The following AIFM1 variants were observed in gnomAD, a reference collection of about 807,000 sequenced individuals.
AIFM1 encodes the protein apoptosis-inducing factor 1, mitochondrial.
In AIFM1, 3 loss-of-function variants were observed where a neutral mutation model predicts 51.7. The ratio of observed to expected loss-of-function variants is 0.06; its 90% CI spans 0.03 to 0.15. The LOEUF (loss-of-function observed/expected upper bound fraction) is 0.15, where lower values mean the gene tolerates loss of function less well. Among genes scored for constraint, AIFM1 ranks in the 10% least tolerant of loss-of-function variants. The pLI is 1.00. For synonymous variants in AIFM1, 178 were observed against 179.4 expected (o/e 0.99, Z 0.06); for missense variants, 330 against 476.8 (o/e 0.69, Z 2.87).
intron 2 of AIFM1, among the ~76,000 whole-genome samples, chrX:130,150,068 T>G (rs1411014757): frequency 9.0e-6 from 1 of 111,202 alleles, no homozygotes; most frequent in Non-Finnish European, 1.9e-5. Flanking sequence ...TGGCTGCCTG[T>G]ATTCTATTTT....
intron 6 of AIFM1, among the ~76,000 whole-genome samples, chrX:130,142,171 T>G (rs1218140113): frequency 9.0e-6 from 1 of 111,709 alleles, no homozygotes; most frequent in Non-Finnish European, 1.9e-5. Flanking sequence ...TAATCAAGAG[T>G]GACAAATGTG....
chrX:130,159,187 G>T (rs2031269187), intron 1 of AIFM1, among the ~76,000 whole-genome samples: 1 of 111,565 alleles, frequency 9.0e-6, no homozygotes, highest in African/African-American at 3.3e-5. Flanking sequence ...GGTTTTACTG[G>T]CAAATGAGTT....
intron 6 of AIFM1, among the ~76,000 whole-genome samples, chrX:130,140,944 C>T (rs893842025): frequency 8.9e-6 from 1 of 111,855 alleles, no homozygotes; most frequent in Non-Finnish European, 1.9e-5. Context: ...GGCGAAACCC[C>T]GTCTCTACTA....
rs139226266 is a variant in AIFM1, at chrX:130,140,809, C to T, written c.697-192G>A. Among the ~76,000 whole-genome samples, 735 of 112,478 alleles carry T rather than the reference C, an allele frequency of 6.5e-3. 12 individuals are homozygous for T. The highest frequency in any genetic ancestry group is 0.022 in the African/African-American group (681 of 30,965). On this transcript the variant is annotated intron_variant, in intron 6 of 15. Coordinates refer to ENST00000287295, the MANE Select transcript of AIFM1 (RefSeq NM_004208.4). Reference sequence around the variant, plus strand: ...CATTTCCATCACCACCCCAAAACTCCAGGTCAATAAGAAGTTGTCAGCCCA... The same window carrying T: ...CATTTCCATCACCACCCCAAAACTCTAGGTCAATAAGAAGTTGTCAGCCCA...
At chrX:130,146,629 G>GA (rs2030765121) in intron 5 of AIFM1, among the ~76,000 whole-genome samples, 1 of 110,015 alleles carries the variant, frequency 9.1e-6, no homozygotes, top group Non-Finnish European at 1.9e-5. Flanking sequence ...TCACTAATGA[G>GA]AAAAAAAATT....
intron 6 of AIFM1, among the ~76,000 whole-genome samples, chrX:130,144,463 A>T (rs1456348623): frequency 8.9e-6 from 1 of 112,095 alleles, no homozygotes; most frequent in Non-Finnish European, 1.9e-5. Flanking sequence ...CTCTATCAGT[A>T]TCGAGCTGCT....
chrX:130,153,352 CAAA>C (rs35771131), intron 2 of AIFM1, among the ~76,000 whole-genome samples: 1 of 42,856 alleles, frequency 2.3e-5, no homozygotes. Flanking sequence ...GACTCCGTTT[CAAA>C]AAAAAAAAAA....
intron 1 of AIFM1, among the ~76,000 whole-genome samples, chrX:130,156,886 A>G (rs1325164028): frequency 8.9e-6 from 1 of 111,765 alleles, no homozygotes; most frequent in Non-Finnish European, 1.9e-5. Flanking sequence ...TTCATCAAAT[A>G]CCTCTTCCTT....
intron 3 of AIFM1, among the ~76,000 whole-genome samples, chrX:130,149,173 C>T (rs1168551795): frequency 2.7e-5 from 3 of 111,232 alleles, no homozygotes; most frequent in African/African-American, 9.8e-5. Context: ...CCGCACATCT[C>T]GGCCTCACAA....
chrX:130,132,493 T>G (rs2030132431), intron 13 of AIFM1, among the ~76,000 whole-genome samples: 1 of 112,859 alleles, frequency 8.9e-6, no homozygotes, highest in Non-Finnish European at 1.9e-5. Context: ...ATTCAGAATT[T>G]GAGATGTTTT....
chrX:130,163,318 A>G (rs1455424086), intron 1 of AIFM1, among the ~76,000 whole-genome samples: 1 of 110,614 alleles, frequency 9.0e-6, no homozygotes, highest in East Asian at 2.8e-4. Context: ...AAAAAAAAAA[A>G]AAAAAAGTTT....
At position 130,165,819 on chromosome X, in the gene AIFM1, T is replaced by C. The variant is rs1214927688; in HGVS notation, c.-163A>G. 3 of 520,032 alleles carry C rather than the reference T, an allele frequency of 5.8e-6. No homozygotes were observed. Among genetic ancestry groups the C allele is most frequent in the Admixed American group, 2.7e-5 (1 of 36,829 alleles). 42.9% of individuals were successfully genotyped at this position (520,032 alleles called of 1,213,427 possible). ...TGGGCATTGGACAGAGAAGCCGGCC[T>C]GCTAGAGCCGGGGAAGGGGAACGGC... On this transcript the variant is annotated 5_prime_UTR_variant, in exon 1 of 16. Transcript: ENST00000287295.
intron 1 of AIFM1, among the ~76,000 whole-genome samples, chrX:130,161,297 G>A (rs2031340028): frequency 9.1e-6 from 1 of 110,227 alleles, no homozygotes; most frequent in South Asian, 3.9e-4. Flanking sequence ...CGGATCACGA[G>A]GTCAGGAGTT....
intron 15 of AIFM1, 46 bp from the exon 16 acceptor site, chrX:130,129,674 G>A (rs752965826): frequency 7.4e-5 from 82 of 1,115,134 alleles, no homozygotes; most frequent in East Asian, 1.5e-4. Flanking sequence ...ACTCCATTGC[G>A]TTCAGGCCAT....
chrX:130,137,441 A>G lies in AIFM1; in HGVS notation c.968-256T>C, dbSNP rs1203049581. The stretch of plus-strand genomic sequence containing the variant: ...TGGTGAACTCTGTGCACTTCCACCC[A>G]TGCAGTCACCTAAGGCTTACATAAG... On this transcript the variant is annotated intron_variant, in intron 9 of 15. Transcript: ENST00000287295. 2.6e-6 allele frequency: 3 copies of G among 1,164,386 alleles called. No individual in the cohort carries two copies. In the Admixed American group the frequency reaches 7.9e-5, roughly 31 times the overall value.
intron 14 of AIFM1, among the ~76,000 whole-genome samples, chrX:130,130,699 C>G (rs374431811): frequency 8.9e-6 from 1 of 112,421 alleles, no homozygotes; most frequent in Non-Finnish European, 1.9e-5. Context: ...TCCATCGCAG[C>G]AGAAAGTTCT....
chrX:130,133,148 T>C, intron 13 of AIFM1, among the ~76,000 whole-genome samples, 165 bp downstream of exon 13: 1 of 112,006 alleles, frequency 8.9e-6, no homozygotes, highest in Non-Finnish European at 1.9e-5. Flanking sequence ...AGGACACTTC[T>C]GCCAGATGGC....
intron 12 of AIFM1, among the ~76,000 whole-genome samples, chrX:130,134,093 C>T (rs767114203): frequency 2.4e-3 from 269 of 110,166 alleles, no homozygotes; most frequent in Non-Finnish European, 3.7e-3. Flanking sequence ...AAAAATTAGG[C>T]GTGTGTGGTG....
intron 5 of AIFM1, among the ~76,000 whole-genome samples, chrX:130,147,271 C>T (rs770816714): frequency 8.0e-5 from 9 of 112,410 alleles, no homozygotes; most frequent in African/African-American, 2.9e-4. Context: ...TTTCAGAGGC[C>T]AACATTACAC....
Sources: gnomAD v4.1 joint callset for allele counts (sites outside exome capture counted in the v4.1 genomes callset) on GRCh38, gnomAD v4.1.1 for gene constraint, MANE v1.5 for transcripts, NCBI Gene and HGNC (gene_info 2026-07-23, HGNC 2026-07-21) for gene names.